The following ABCA4 variants were observed in gnomAD, a reference collection of about 807,000 sequenced individuals.
The protein encoded by ABCA4 is retinal-specific phospholipid-transporting ATPase ABCA4.
ABCA4 carries 196 observed loss-of-function variants against 263.7 expected under a neutral mutation model. The observed-to-expected ratio is 0.74, with a 90% CI of 0.66 to 0.84. The LOEUF (loss-of-function observed/expected upper bound fraction) is 0.84, where lower values mean the gene tolerates loss of function less well. Among genes scored for constraint, ABCA4 ranks in the 40% least tolerant of loss-of-function variants. ABCA4 has a pLI of 0.00. For missense variants in ABCA4, 2,792 were observed against 2,855.1 expected, an observed-to-expected ratio of 0.98 and a Z score of 0.50; for synonymous variants, 1,133 against 1,094.2, an observed-to-expected ratio of 1.04 and a Z score of -0.70.
intron 19 of ABCA4, among the ~76,000 whole-genome samples, chr1:94,046,473 A>AAAAAAAAAAAAAG (rs71094277): frequency 1.7e-4 from 21 of 120,724 alleles, no homozygotes; most frequent in Non-Finnish European, 2.7e-4. Context: ...AAAAAAAAAA[A>AAAAAAAAAAAAAG]AAAGAAAAGA....
chr1:94,029,319 G>T, intron 30 of ABCA4, 126 bp downstream of exon 30: 1 of 1,003,344 alleles, frequency 1.0e-6, no homozygotes, highest in Non-Finnish European at 1.4e-6. Flanking sequence ...AGGGAGTTTG[G>T]TTTAGTCCCC....
At chr1:94,116,974 C>CTTTA (rs1197184568) in intron 1 of ABCA4, among the ~76,000 whole-genome samples, 119 of 86,310 alleles carry the variant, frequency 1.4e-3, no homozygotes, top group African/African-American at 5.0e-3. Context: ...CTTTCTCTTT[C>CTTTA]TTTCTTTCTT....
intron 6 of ABCA4, among the ~76,000 whole-genome samples, chr1:94,084,937 C>T (rs1343722215): frequency 1.3e-5 from 2 of 152,176 alleles, no homozygotes; most frequent in Non-Finnish European, 2.9e-5. Flanking sequence ...AGCCCCAAGT[C>T]CTGCCCGTCC....
chr1:94,093,357 G>A (rs1282733837), intron 6 of ABCA4, among the ~76,000 whole-genome samples: 1 of 152,210 alleles, frequency 6.6e-6, no homozygotes, highest in Non-Finnish European at 1.5e-5. Flanking sequence ...CAGGTCTAGA[G>A]CTGTAGTCAG....
Position 94,005,300 on chromosome 1 carries a change from C to G in ABCA4, c.6147+141G>C, listed in dbSNP as rs1168532791. ...GGTTTCTAGAACAGTACTTGGCACA[C>G]AGTAGACACATAGTAAACATTTGTT... On this transcript the variant is annotated intron_variant, in intron 44 of 49. Transcript: ENST00000370225. 4.4e-6 allele frequency: 5 copies of G among 1,149,216 alleles called. No individual in the cohort carries two copies. The Admixed American group carries it at 9.1e-5, about 21-fold the overall frequency. 71.2% of individuals were successfully genotyped at this position (1,149,216 alleles called of 1,614,324 possible).
intron 49 of ABCA4, among the ~76,000 whole-genome samples, chr1:93,995,210 T>A (rs1658966589): frequency 6.6e-6 from 1 of 152,148 alleles, no homozygotes; most frequent in South Asian, 2.1e-4. Context: ...AGGGAAAAAA[T>A]TCATCACAAG....
At position 94,076,806 on chromosome 1, in the gene ABCA4, G is replaced by A. The variant is rs191350961; in HGVS notation, c.1554+884C>T. Among the ~76,000 whole-genome samples the A allele has an allele frequency of 7.9e-5, 12 of 152,328 alleles. No homozygotes were observed. The East Asian group carries it at 9.6e-4, about 12-fold the overall frequency. Reference sequence around the variant, plus strand: ...AAGGAAGCCCTTGGAATGGGCTGGCGCAGAGATGACAAGGCCTCTAGTCCT... The same window carrying A: ...AAGGAAGCCCTTGGAATGGGCTGGCACAGAGATGACAAGGCCTCTAGTCCT... On this transcript the variant is annotated intron_variant, in intron 11 of 49. Coordinates refer to ENST00000370225, the MANE Select transcript of ABCA4 (RefSeq NM_000350.3).
chr1:94,059,904 T>C (rs1419597417), intron 14 of ABCA4, among the ~76,000 whole-genome samples: 1 of 152,206 alleles, frequency 6.6e-6, no homozygotes, highest in East Asian at 1.9e-4. Context: ...GTTGCAAGTT[T>C]GCAGAGGACA....
chr1:93,999,290 C>T (rs1198258696), intron 47 of ABCA4, among the ~76,000 whole-genome samples: 2 of 152,248 alleles, frequency 1.3e-5, no homozygotes, highest in Admixed American at 1.3e-4. Flanking sequence ...AAGTGATCCA[C>T]CTGCCTCAGC....
chr1:94,080,103 A>G (rs1310085536), intron 8 of ABCA4, among the ~76,000 whole-genome samples: 1 of 152,204 alleles, frequency 6.6e-6, no homozygotes, highest in African/African-American at 2.4e-5. Context: ...TGTTTGTAAA[A>G]GCATCCCACA....
At position 94,025,024 on chromosome 1, in the gene ABCA4, G is replaced by C. The variant is rs1660000850; in HGVS notation, c.4564C>G (p.Leu1522Val). 1 of 1,614,088 alleles carries C rather than the reference G, an allele frequency of 6.2e-7. No individual in the cohort carries two copies. The highest frequency in any genetic ancestry group is 8.5e-7 in the Non-Finnish European group (1 of 1,180,044). The change falls in exon 31 of 50, where the codon CTA becomes GTA. Residue 1522 changes from leucine to valine, a missense_variant. By Grantham distance (32) the Leu-to-Val change is conservative (BLOSUM62 1). Coordinates refer to ENST00000370225, the MANE Select transcript of ABCA4 (RefSeq NM_000350.3). ...ATGTTCCTGTCCGTCAGGTCTTGTA[G>C]AATTTCCGTGCTGCGCTGTGTTCTC... ...PQRTQRSTEILQDLTDRNISD... is the reference protein window; with the variant it reads ...PQRTQRSTEIVQDLTDRNISD...
chr1:94,017,533 T>C (rs1557766836), intron 36 of ABCA4, among the ~76,000 whole-genome samples: 1 of 152,236 alleles, frequency 6.6e-6, no homozygotes, highest in Admixed American at 6.5e-5. Context: ...TCAAATGTCA[T>C]GCATGATTCT....
intron 5 of ABCA4, among the ~76,000 whole-genome samples, chr1:94,101,932 C>G (rs1662296828): frequency 6.6e-6 from 1 of 152,170 alleles, no homozygotes; most frequent in African/African-American, 2.4e-5. Flanking sequence ...AATTTGCATT[C>G]CTAACAAGCT....
intron 30 of ABCA4, among the ~76,000 whole-genome samples, chr1:94,028,781 A>C (rs1571262677): frequency 6.6e-6 from 1 of 151,892 alleles, no homozygotes; most frequent in East Asian, 1.9e-4. Context: ...ATGATGGTGC[A>C]TGCCTGTAAT....
Position 94,008,747 on chromosome 1 carries a change from T to C in ABCA4, c.5835+4A>G. ...CACCTCCAAACTCATACCCATTCCC[T>C]TACCTTGGTTAGTTCATGTAGCCTT... On this transcript the variant is annotated splice_donor_region_variant and intron_variant, in intron 41 of 49. Coordinates refer to ENST00000370225, the MANE Select transcript of ABCA4 (RefSeq NM_000350.3). 6.2e-7 allele frequency: 1 copy of C among 1,614,054 alleles called. No individual in the cohort carries two copies. The highest frequency in any genetic ancestry group is 1.3e-5 in the African/African-American group (1 of 75,030).
Position 94,044,476 on chromosome 1 carries a change from C to G in ABCA4, c.3050+137G>C, listed in dbSNP as rs1056473296. 4 of 1,335,410 alleles carry G rather than the reference C, an allele frequency of 3.0e-6. No individual in the cohort carries two copies. The Admixed American group carries it at 7.6e-5, about 25-fold the overall frequency. The allele number at this position is 1,335,410 out of a possible 1,614,324, so 82.7% of individuals were successfully genotyped here. A position where few individuals can be genotyped will look rare whatever the true frequency, so the allele number is the denominator to read the frequency against. ...TGCAAGTAGGACAAAGGACTTTAAA[C>G]ATAGGGGAAACCAAATAAGAGTCTG... On this transcript the variant is annotated intron_variant, in intron 20 of 49. Transcript: ENST00000370225.
chr1:94,020,482 A>T (rs140180235), intron 35 of ABCA4, among the ~76,000 whole-genome samples: 26 of 152,340 alleles, frequency 1.7e-4, no homozygotes, highest in African/African-American at 6.3e-4. Context: ...CCATACACGT[A>T]GTAAGCTTAG....
In ABCA4 at chr1:94,108,649, G is replaced by C. The variant is rs138359497; in HGVS notation, c.370C>G (p.Arg124Gly). ...MNAPESQHLG[R>G]IWTELHILSQ... ...AAGATGTGTAGCTCTGTCCAAATAC[G>C]GCCAAGGTGCTGGCTCTCTGGTGCA... The change falls in exon 4 of 50, where the codon CGT (arginine) becomes GGT (glycine). Residue 124 changes from arginine to glycine, a missense_variant. By Grantham distance (125) the Arg-to-Gly change is moderately radical. Coordinates refer to ENST00000370225, the MANE Select transcript of ABCA4 (RefSeq NM_000350.3). 4 of 1,613,816 alleles carry C rather than the reference G, an allele frequency of 2.5e-6. No homozygotes were observed. Among genetic ancestry groups the C allele is most frequent in the Non-Finnish European group, 3.4e-6 (4 of 1,180,034 alleles).
At chr1:94,103,272 G>T in intron 4 of ABCA4, 130 bp from the exon 5 acceptor site, 1 of 1,183,698 alleles carries the variant, frequency 8.4e-7, no homozygotes, top group Non-Finnish European at 1.2e-6. Flanking sequence ...GGGGTCTCTG[G>T]GAGCCCCTAG....
Sources: gnomAD v4.1 joint callset for allele counts (sites outside exome capture counted in the v4.1 genomes callset) on GRCh38, gnomAD v4.1.1 for gene constraint, MANE v1.5 for transcripts, NCBI Gene and HGNC (gene_info 2026-07-23, HGNC 2026-07-21) for gene names.